DYRK4: variants seen among roughly 807,000 people sequenced by gnomAD.
The protein encoded by DYRK4 is dual specificity tyrosine-phosphorylation-regulated kinase 4.
DYRK4 carries 64 observed loss-of-function variants against 68.3 expected under a neutral mutation model. That is an observed-to-expected ratio of 0.94 (90% CI 0.77 to 1.15). The LOEUF (loss-of-function observed/expected upper bound fraction) is 1.15, where lower values mean the gene tolerates loss of function less well. Among genes scored for constraint, DYRK4 ranks in the 50% most tolerant of loss-of-function variants. The probability of loss-of-function intolerance (pLI) is 0.00; values close to 1 mark genes in which losing one functional copy is unlikely to be tolerated. For synonymous variants in DYRK4, 274 were observed against 289.9 expected, an observed-to-expected ratio of 0.95 and a Z score of 0.56; for missense variants, 740 against 764.7, an observed-to-expected ratio of 0.97 and a Z score of 0.38.
intron 10 of DYRK4, 127 bp from the exon 11 acceptor site, chr12:4,604,787 C>T: frequency 2.5e-6 from 3 of 1,193,246 alleles, no homozygotes; most frequent in East Asian, 2.8e-5. Context: ...GTTCTAAGTG[C>T]TGGCCAGCTG....
Position 4,604,948 on chromosome 12 carries a change from C to T in DYRK4, c.1161C>T (p.Ser387=). The change falls in exon 11 of 15, where the codon TCC becomes TCT. Residue 387 remains serine, a synonymous_variant. Transcript: ENST00000543431. ...ACATCCAAAGCCGGTTCTACCGATCCCCAGAAGTGATCCTGGGCCACCCCT... is the reference window on the plus strand; with the variant it reads ...ACATCCAAAGCCGGTTCTACCGATCTCCAGAAGTGATCCTGGGCCACCCCT... ...YTYIQSRFYR[S]PEVILGHPYD... The T allele has an allele frequency of 6.2e-7, 1 of 1,612,764 alleles. No homozygotes were observed. Among genetic ancestry groups the T allele is most frequent in the Non-Finnish European group, 8.5e-7 (1 of 1,179,268 alleles).
At chr12:4,563,168 A>G (rs1481829229) in intron 1 of DYRK4, 2 of 456,054 alleles carry the variant, frequency 4.4e-6, no homozygotes, top group Admixed American at 4.7e-5. Context: ...GATCACCTAC[A>G]TGTGGTCGGT....
chr12:4,590,638 G>A (rs1944943389), intron 4 of DYRK4, 198 bp downstream of exon 4: 1 of 1,209,880 alleles, frequency 8.3e-7, no homozygotes, highest in African/African-American at 1.6e-5. Context: ...GCTACAAAAT[G>A]GGCCCTCTCT....
chr12:4,609,603 A>T (rs1945194350), intron 12 of DYRK4, among the ~76,000 whole-genome samples: 1 of 152,196 alleles, frequency 6.6e-6, no homozygotes, highest in Admixed American at 6.5e-5. Flanking sequence ...AAGGGGATGG[A>T]GGGAATGACT....
chr12:4,575,461 G>A (rs1944779493), intron 2 of DYRK4, among the ~76,000 whole-genome samples: 1 of 151,836 alleles, frequency 6.6e-6, no homozygotes, highest in African/African-American at 2.4e-5. Flanking sequence ...GATGCATGCC[G>A]CCACTACCAG....
At chr12:4,588,268 T>TA (rs1219913399) in intron 2 of DYRK4, among the ~76,000 whole-genome samples, 5 of 152,176 alleles carry the variant, frequency 3.3e-5, no homozygotes, top group African/African-American at 1.2e-4. Context: ...TCCTACATAA[T>TA]AACAACCACA....
chr12:4,605,729 GTTTTTTT>G (rs58963826), intron 11 of DYRK4, among the ~76,000 whole-genome samples: 47 of 102,110 alleles, frequency 4.6e-4, no homozygotes, highest in Middle Eastern at 7.8e-3. Flanking sequence ...ATAGAGCTGG[GTTTTTTT>G]TTTTTTTTTT....
chr12:4,608,445 C>G (rs147066549), intron 12 of DYRK4, among the ~76,000 whole-genome samples: 84 of 152,224 alleles, frequency 5.5e-4, no homozygotes, highest in African/African-American at 1.9e-3. Flanking sequence ...TAGGAAGGTC[C>G]AAAACACTCT....
At chr12:4,575,499 C>T (rs1325605959) in intron 2 of DYRK4, among the ~76,000 whole-genome samples, 2 of 151,872 alleles carry the variant, frequency 1.3e-5, no homozygotes, top group South Asian at 2.1e-4. Context: ...TTAGTAGAGA[C>T]GGGGTTTCAC....
rs1801016 is a variant in DYRK4 at position 4,613,551 on chromosome 12, A to T, written c.1703A>T (p.Asp568Val). 5,135 of 1,614,058 alleles carry T rather than the reference A, an allele frequency of 3.2e-3. 50 individuals carry two copies. Among genetic ancestry groups the T allele is most frequent in the African/African-American group, 0.028 (2,089 of 75,058 alleles). ...ITKETTEKTK[D>V]SPTKHVQHSG... ...AAAGAGACTACAGAGAAAACAAAAGATAGCCCCACGAAGCATGTTCAGCAT... is the reference window on the plus strand; with the variant it reads ...AAAGAGACTACAGAGAAAACAAAAGTTAGCCCCACGAAGCATGTTCAGCAT... The change falls in exon 15 of 15, where the codon GAT becomes GTT. Residue 568 changes from aspartate to valine, a missense_variant. Transcript: ENST00000543431. This position sits in a 1 kb window ranked among gnomAD's most constrained non-coding sequence, Gnocchi z 4.0.
chr12:4,585,101 C>G (rs900827344), intron 2 of DYRK4, among the ~76,000 whole-genome samples: 1 of 152,186 alleles, frequency 6.6e-6, no homozygotes, highest in Non-Finnish European at 1.5e-5. Context: ...GTGTTCAGAT[C>G]CTATGGGTTT....
chr12:4,611,409 T>G (rs1200379134), intron 13 of DYRK4, among the ~76,000 whole-genome samples: 1 of 152,236 alleles, frequency 6.6e-6, no homozygotes, highest in African/African-American at 2.4e-5. Flanking sequence ...AGGCATTATT[T>G]TCTTCTTTAG....
intron 2 of DYRK4, among the ~76,000 whole-genome samples, chr12:4,576,056 G>A (rs1944786124): frequency 6.6e-6 from 1 of 152,142 alleles, no homozygotes; most frequent in Admixed American, 6.5e-5. Context: ...TTACATTAGA[G>A]TTCCTCCTTT....
rs370312719 is a variant in DYRK4, at chr12:4,610,231, G to C, written c.1437G>C (p.Met479Ile). The C allele has an allele frequency of 1.3e-6, 2 of 1,598,198 alleles. No individual in the cohort carries two copies. The highest frequency in any genetic ancestry group is 1.7e-6 in the Non-Finnish European group (2 of 1,173,754). Residue 479 changes from methionine (M) to isoleucine (I), a missense_variant, in exon 13 of 15, where the codon ATG becomes ATC. By Grantham distance (10) the Met-to-Ile change is conservative. This residue lies in a region of DYRK4 where 614 missense variants were observed against 603.7 expected (regional missense o/e 1.02). Coordinates refer to ENST00000543431, the MANE Select transcript of DYRK4 (RefSeq NM_001394779.1). Reference sequence around the variant, plus strand: ...ACCCAGATTCCAAGGACCTCACGATGGTGCTGAAAACCTATGACACCAGCT... The same window carrying C: ...ACCCAGATTCCAAGGACCTCACGATCGTGCTGAAAACCTATGACACCAGCT... ...KRYPDSKDLT[M>I]VLKTYDTSFL...
chr12:4,602,371 C>T (rs1945091416), intron 10 of DYRK4: 14 of 899,052 alleles, frequency 1.6e-5, no homozygotes, highest in South Asian at 8.1e-5. Flanking sequence ...CTTTTGTTCT[C>T]GTTTTGTAGT....
intron 2 of DYRK4, among the ~76,000 whole-genome samples, chr12:4,577,957 T>C (rs2137336288): frequency 6.6e-6 from 1 of 152,350 alleles, no homozygotes; most frequent in African/African-American, 2.4e-5. Context: ...AAGAGAGCAA[T>C]TGACTTTTGT....
chr12:4,590,230 T>G (rs1440906829), intron 3 of DYRK4, 100 bp from the exon 4 acceptor site: 1 of 1,452,230 alleles, frequency 6.9e-7, no homozygotes, highest in Admixed American at 2.6e-5. Context: ...GTTAGGCTCA[T>G]TCTTGTTGGG....
At chr12:4,594,297 C>CA (rs1484148006) in intron 6 of DYRK4, among the ~76,000 whole-genome samples, 27 of 152,120 alleles carry the variant, frequency 1.8e-4, no homozygotes, top group Middle Eastern at 3.2e-3. Flanking sequence ...GATCACGGCT[C>CA]ACTGCAACCT....
intron 2 of DYRK4, among the ~76,000 whole-genome samples, chr12:4,572,446 T>G (rs1343880262): frequency 6.6e-6 from 1 of 152,164 alleles, no homozygotes; most frequent in Admixed American, 6.5e-5. Flanking sequence ...CACACCTGGC[T>G]AATTTTTGTT....
Sources: allele counts gnomAD v4.1 joint callset (sites outside exome capture counted in the v4.1 genomes callset), GRCh38; gene constraint gnomAD v4.1.1; regional missense constraint gnomAD v4.1.1; non-coding constraint Gnocchi (gnomAD v3.1); transcripts MANE v1.5; gene names NCBI Gene and HGNC (gene_info 2026-07-23, HGNC 2026-07-21).